Variants in ITGA8 observed in about 807,000 individuals in gnomAD.
ITGA8 encodes the protein integrin alpha-8.
In ITGA8, 91 loss-of-function variants were observed where a neutral mutation model predicts 142.3. That is an observed-to-expected ratio of 0.64 (90% confidence interval 0.54 to 0.76). The LOEUF is 0.76. Among genes scored for constraint, ITGA8 ranks in the 30% least tolerant of loss-of-function variants. The pLI is 0.00. For missense variants in ITGA8, 1,406 were observed against 1,327.7 expected (o/e 1.06, Z -0.92); for synonymous variants, 505 against 485.2 (o/e 1.04, Z -0.54).
chr10:15,667,082 C>G (rs1834409489), intron 8 of ITGA8, among the ~76,000 whole-genome samples: 1 of 152,172 alleles, frequency 6.6e-6, no homozygotes, highest in African/African-American at 2.4e-5. Flanking sequence ...GGAATAGTTT[C>G]AGAAGGAATG....
intron 2 of ITGA8, among the ~76,000 whole-genome samples, chr10:15,690,777 G>A (rs1027399551): frequency 2.6e-5 from 4 of 152,110 alleles, no homozygotes; most frequent in African/African-American, 9.7e-5. Context: ...CATCACTGAT[G>A]TTAATCACAG....
intron 2 of ITGA8, among the ~76,000 whole-genome samples, chr10:15,703,611 G>A (rs1215705815): frequency 6.6e-6 from 1 of 152,176 alleles, no homozygotes; most frequent in African/African-American, 2.4e-5. Flanking sequence ...CAAGTATGAT[G>A]CAACAGTGTG....
intron 13 of ITGA8, among the ~76,000 whole-genome samples, chr10:15,639,131 T>TAA (rs74315607): frequency 1.4e-5 from 2 of 141,510 alleles, no homozygotes; most frequent in Non-Finnish European, 3.1e-5. Context: ...TCCTATCTCT[T>TAA]AAAAAAAAAA....
At chr10:15,544,306 AAAAAC>A (rs1357128038) in intron 27 of ITGA8, among the ~76,000 whole-genome samples, 2 of 152,046 alleles carry the variant, frequency 1.3e-5, no homozygotes, top group African/African-American at 4.8e-5. Context: ...TCTACCAAAA[AAAAAC>A]AAAACAAAAC....
At chr10:15,544,886 C>G (rs527297150) in intron 27 of ITGA8, among the ~76,000 whole-genome samples, 1 of 152,298 alleles carries the variant, frequency 6.6e-6, no homozygotes, top group East Asian at 1.9e-4. Context: ...GGAGATCGCT[C>G]AAGCAGCACT....
At chr10:15,697,046 A>AACACGCACAC (rs1554788871) in intron 2 of ITGA8, among the ~76,000 whole-genome samples, 1 of 147,424 alleles carries the variant, frequency 6.8e-6, no homozygotes, top group Middle Eastern at 3.2e-3. Context: ...TTGTCTCTAA[A>AACACGCACAC]ACACACACAC....
intron 9 of ITGA8, among the ~76,000 whole-genome samples, 157 bp from the exon 10 acceptor site, chr10:15,659,212 T>TA (rs5783462): frequency 0.016 from 2,469 of 150,142 alleles, 59 homozygotes; most frequent in African/African-American, 0.056. Flanking sequence ...TGATCTTATT[T>TA]AAAAAAAAAA....
At chr10:15,665,450 T>C (rs1258781585) in intron 8 of ITGA8, among the ~76,000 whole-genome samples, 13 of 152,164 alleles carry the variant, frequency 8.5e-5, no homozygotes, top group Non-Finnish European at 1.5e-4. Context: ...CAAAAATTTT[T>C]TCCCATTTTT....
chr10:15,558,455 G>A (rs573086914), intron 25 of ITGA8, among the ~76,000 whole-genome samples: 1 of 152,286 alleles, frequency 6.6e-6, no homozygotes, highest in South Asian at 2.1e-4. Context: ...ATCTTGCAAG[G>A]AGAAGATTTG....
At chr10:15,666,477 G>T (rs981062090) in intron 8 of ITGA8, among the ~76,000 whole-genome samples, 2 of 152,146 alleles carry the variant, frequency 1.3e-5, no homozygotes, top group African/African-American at 4.8e-5. Flanking sequence ...GGGACAATTT[G>T]ACTTCCTCTT....
intron 23 of ITGA8, among the ~76,000 whole-genome samples, chr10:15,581,037 C>A (rs1291329469): frequency 6.6e-6 from 1 of 152,198 alleles, no homozygotes; most frequent in African/African-American, 2.4e-5. Context: ...TGAGTAAGCT[C>A]TTGGAATTTT....
intron 23 of ITGA8, among the ~76,000 whole-genome samples, chr10:15,586,300 C>T (rs1040769098): frequency 2.0e-5 from 3 of 152,088 alleles, no homozygotes; most frequent in Non-Finnish European, 2.9e-5. Context: ...CTCAGGTGAT[C>T]TGCTCACTTT....
At chr10:15,553,864 G>A (rs910996837) in intron 26 of ITGA8, among the ~76,000 whole-genome samples, 2 of 152,050 alleles carry the variant, frequency 1.3e-5, no homozygotes, top group South Asian at 2.1e-4. Flanking sequence ...GTGGTGGCAC[G>A]CACCTGTAAT....
intron 13 of ITGA8, among the ~76,000 whole-genome samples, chr10:15,643,325 G>A (rs901367344): frequency 3.3e-5 from 5 of 152,136 alleles, no homozygotes; most frequent in Non-Finnish European, 7.3e-5. Context: ...TGTCGCCCAG[G>A]TTAGAGCTCA....
At position 15,552,583 on chromosome 10, in the gene ITGA8, G is replaced by A. The variant is rs557312385; in HGVS notation, c.2767-4015C>T. Among the ~76,000 whole-genome samples the A allele has an allele frequency of 2.6e-5, 4 of 152,326 alleles. No homozygotes were observed. The South Asian group carries it at 8.3e-4, about 32-fold the overall frequency. On this transcript the variant is annotated intron_variant, in intron 26 of 29. Coordinates refer to ENST00000378076, the MANE Select transcript of ITGA8 (RefSeq NM_003638.3). Reference sequence around the variant, plus strand: ...AAATTCTGGGATACATGTACAGAATGTGCAGGTTTGTTACATAGGTATACA... The same window carrying A: ...AAATTCTGGGATACATGTACAGAATATGCAGGTTTGTTACATAGGTATACA...
intron 18 of ITGA8, 89 bp from the exon 19 acceptor site, chr10:15,605,880 G>A: frequency 8.5e-7 from 1 of 1,173,672 alleles, no homozygotes. Flanking sequence ...GCCACAAACG[G>A]AACCAGAGCT....
intron 25 of ITGA8, among the ~76,000 whole-genome samples, chr10:15,569,780 T>G (rs1488408140): frequency 1.3e-5 from 2 of 152,178 alleles, no homozygotes; most frequent in Non-Finnish European, 2.9e-5. Flanking sequence ...TTATTAAAAT[T>G]AAAAATTTCT....
At position 15,616,429 on chromosome 10, in the gene ITGA8, T is replaced by C. The variant is rs1057487025; in HGVS notation, c.1445+85A>G. 24 of 1,012,038 alleles carry C rather than the reference T, an allele frequency of 2.4e-5. No individual in the cohort carries two copies. The East Asian group carries it at 3.4e-4, about 14-fold the overall frequency. The allele number at this position is 1,012,038 out of a possible 1,614,324, so 62.7% of individuals were successfully genotyped here. The stretch of plus-strand genomic sequence containing the variant: ...TCTAAATATTCCCCAGAATAAATCG[T>C]TGGAATGCTCTCTTTAAGGCAGAAC... On this transcript the variant is annotated intron_variant, in intron 14 of 29. Coordinates refer to ENST00000378076, the MANE Select transcript of ITGA8 (RefSeq NM_003638.3).
intron 3 of ITGA8, among the ~76,000 whole-genome samples, chr10:15,686,003 C>A (rs367808535): frequency 8.5e-5 from 13 of 152,120 alleles, no homozygotes; most frequent in African/African-American, 3.1e-4. Flanking sequence ...CTTGCCTGAA[C>A]CTTCTGTAAA....
Sources: gnomAD v4.1 joint callset for allele counts (sites outside exome capture counted in the v4.1 genomes callset) on GRCh38, gnomAD v4.1.1 for gene constraint, MANE v1.5 for transcripts, NCBI Gene and HGNC (gene_info 2026-07-23, HGNC 2026-07-21) for gene names.